The following PRKG1 variants were observed in gnomAD, a reference collection of about 807,000 sequenced individuals.
PRKG1 encodes the protein cGMP-dependent protein kinase 1.
PRKG1 carries 35 observed loss-of-function variants against 88.1 expected under a neutral mutation model. The ratio of observed to expected loss-of-function variants is 0.40; its 90% confidence interval spans 0.30 to 0.53. The LOEUF is 0.53. Among genes scored for constraint, PRKG1 ranks in the 20% least tolerant of loss-of-function variants. PRKG1 has a pLI of 0.59. For missense variants in PRKG1, 540 were observed against 839.8 expected, an observed-to-expected ratio of 0.64 and a Z score of 4.41; for synonymous variants, 303 against 292.5, an observed-to-expected ratio of 1.04 and a Z score of -0.37.
chr10:51,261,176 G>T (rs10490975), intron 2 of PRKG1, among the ~76,000 whole-genome samples: 29,021 of 152,052 alleles, frequency 0.19, 5,359 homozygotes, highest in African/African-American at 0.49. Context: ...ATTTCTTCCC[G>T]ATCCAAAGTT....
At chr10:51,277,556 A>G (rs936400096) in intron 2 of PRKG1, among the ~76,000 whole-genome samples, 1 of 152,210 alleles carries the variant, frequency 6.6e-6, no homozygotes, top group Non-Finnish European at 1.5e-5. Context: ...CTTGGACGGT[A>G]TGGCCATTTT....
chr10:51,126,954 A>C (rs1229550110), intron 1 of PRKG1, among the ~76,000 whole-genome samples: 1 of 152,184 alleles, frequency 6.6e-6, no homozygotes, highest in Non-Finnish European at 1.5e-5. Flanking sequence ...CTTGCATAAA[A>C]ATTAACTCAA....
chr10:52,120,094 A>G (rs1439971111), intron 7 of PRKG1, among the ~76,000 whole-genome samples: 3 of 152,102 alleles, frequency 2.0e-5, no homozygotes, highest in African/African-American at 7.2e-5. Flanking sequence ...AGACAGAGAG[A>G]GAGCACACTG....
intron 1 of PRKG1, among the ~76,000 whole-genome samples, chr10:51,003,195 C>T (rs1842907636): frequency 8.9e-6 from 1 of 112,578 alleles, no homozygotes; most frequent in East Asian, 3.3e-4. Context: ...ACAACAACAA[C>T]AACAACAACA....
At chr10:51,088,449 A>G (rs1844310874) in intron 1 of PRKG1, among the ~76,000 whole-genome samples, 1 of 148,340 alleles carries the variant, frequency 6.7e-6, no homozygotes, top group African/African-American at 2.5e-5. Flanking sequence ...GAACTAATAT[A>G]GGGTAAGACT....
intron 3 of PRKG1, among the ~76,000 whole-genome samples, chr10:51,793,853 C>T (rs1838937165): frequency 6.6e-6 from 1 of 152,112 alleles, no homozygotes; most frequent in African/African-American, 2.4e-5. Context: ...CCTCTGCCTC[C>T]TGGGTTCAAG....
chr10:51,630,690 G>A (rs778805766), intron 3 of PRKG1, among the ~76,000 whole-genome samples: 5 of 152,134 alleles, frequency 3.3e-5, no homozygotes, highest in Non-Finnish European at 7.3e-5. Flanking sequence ...TACCAGTTGT[G>A]CCTCAGTATC....
rs1330984403 is a variant in PRKG1, at chr10:52,195,739, ACAAT to A, written c.1076+33779_1076+33782del. On this transcript the variant is annotated intron_variant, in intron 9 of 17. Coordinates refer to ENST00000373980, the MANE Select transcript of PRKG1 (RefSeq NM_006258.4). ...CTTCAAATTTTAGAGTGTCCGAATGACAATCAGTTTTTAATTTTAATTAAATATT... is the reference window on the plus strand; with the variant it reads ...CTTCAAATTTTAGAGTGTCCGAATGACAGTTTTTAATTTTAATTAAATATT... 5.9e-5 allele frequency among the ~76,000 whole-genome samples: 9 copies of A among 152,284 alleles called. No homozygotes were observed. In the South Asian group the frequency reaches 8.3e-4, roughly 14 times the overall value.
intron 3 of PRKG1, among the ~76,000 whole-genome samples, chr10:51,797,803 C>G (rs925914502): frequency 6.6e-6 from 1 of 151,578 alleles, no homozygotes; most frequent in Non-Finnish European, 1.5e-5. Context: ...CTCTTCATTT[C>G]CCCGCTCCTT....
At chr10:51,679,681 G>T (rs1163728817) in intron 3 of PRKG1, among the ~76,000 whole-genome samples, 1 of 147,168 alleles carries the variant, frequency 6.8e-6, no homozygotes. Context: ...TGAGGCAGGA[G>T]AATAGGGTCT....
chr10:51,241,119 T>TGA (rs1191333330), intron 2 of PRKG1, among the ~76,000 whole-genome samples: 4 of 152,162 alleles, frequency 2.6e-5, no homozygotes, highest in African/African-American at 9.7e-5. Flanking sequence ...GAAGATGAAC[T>TGA]GAGGCTCATG....
At chr10:51,939,427 G>A (rs1842859710) in intron 5 of PRKG1, among the ~76,000 whole-genome samples, 2 of 151,742 alleles carry the variant, frequency 1.3e-5, no homozygotes, top group Non-Finnish European at 2.9e-5. Context: ...ATCCACAATT[G>A]ATTACAACCC....
rs1038098928 is a variant in PRKG1, at chr10:51,730,093, C to CT, written c.593-74487dup. Among the ~76,000 whole-genome samples the CT allele has an allele frequency of 3.3e-5, 5 of 152,282 alleles. No individual in the cohort carries two copies. In the East Asian group the frequency reaches 9.7e-4, roughly 30 times the overall value. The stretch of plus-strand genomic sequence containing the variant: ...ATATGGGTTTGGACAACTAGAGTCT[C>CT]TTTTTAAAAAGAACTCCCTTGTGGT... On this transcript the variant is annotated intron_variant, in intron 3 of 17. Coordinates refer to ENST00000373980, the MANE Select transcript of PRKG1 (RefSeq NM_006258.4).
chr10:51,666,169 T>C (rs1232089562), intron 3 of PRKG1, among the ~76,000 whole-genome samples: 1 of 152,228 alleles, frequency 6.6e-6, no homozygotes, highest in Non-Finnish European at 1.5e-5. Context: ...ATCCGTATTA[T>C]GTGTCCTGTG....
intron 2 of PRKG1, among the ~76,000 whole-genome samples, chr10:51,336,384 T>C (rs975191777): frequency 6.6e-6 from 1 of 150,410 alleles, no homozygotes; most frequent in African/African-American, 2.5e-5. Context: ...ATAAATAAAA[T>C]AGCATAATTG....
At chr10:51,206,209 C>T (rs906320355) in intron 2 of PRKG1, among the ~76,000 whole-genome samples, 6 of 151,876 alleles carry the variant, frequency 4.0e-5, no homozygotes, top group East Asian at 1.9e-4. Context: ...GAGCCATTAC[C>T]GGCTGGGCGC....
intron 5 of PRKG1, among the ~76,000 whole-genome samples, chr10:51,920,060 G>C (rs944850691): frequency 6.6e-6 from 1 of 152,110 alleles, no homozygotes; most frequent in Non-Finnish European, 1.5e-5. Flanking sequence ...ATGCATCAAG[G>C]ACAGGGAGCA....
At chr10:51,482,921 A>G (rs1052082727) in intron 3 of PRKG1, among the ~76,000 whole-genome samples, 1 of 152,006 alleles carries the variant, frequency 6.6e-6, no homozygotes, top group African/African-American at 2.4e-5. Context: ...CATGATTGTT[A>G]TAATGTCTTC....
intron 4 of PRKG1, among the ~76,000 whole-genome samples, chr10:51,883,638 G>A (rs1321872347): frequency 2.0e-5 from 3 of 152,152 alleles, no homozygotes; most frequent in African/African-American, 4.8e-5. Context: ...CTGTTTAATG[G>A]ATTAACATAT....
Sources: allele counts gnomAD v4.1 joint callset (sites outside exome capture counted in the v4.1 genomes callset), GRCh38; gene constraint gnomAD v4.1.1; transcripts MANE v1.5; gene names NCBI Gene and HGNC (gene_info 2026-07-23, HGNC 2026-07-21).